DYNC1LI2: variants seen among roughly 807,000 people sequenced by gnomAD.
DYNC1LI2 encodes dynein cytoplasmic 1 light intermediate chain 2.
A neutral mutation model predicts 57.8 loss-of-function variants in DYNC1LI2; 19 were observed. The observed-to-expected ratio is 0.33, with a 90% confidence interval of 0.23 to 0.48. The LOEUF is 0.48. Among genes scored for constraint, DYNC1LI2 ranks in the 20% least tolerant of loss-of-function variants. The pLI, the probability that DYNC1LI2 is intolerant of heterozygous loss-of-function variation, is 0.99. For missense variants in DYNC1LI2, 470 were observed against 604.2 expected, an observed-to-expected ratio of 0.78 and a Z score of 2.33; for synonymous variants, 256 against 233.4, an observed-to-expected ratio of 1.10 and a Z score of -0.88.
chr16:66,749,055 G>T, intron 3 of DYNC1LI2, 142 bp downstream of exon 3: 1 of 791,970 alleles, frequency 1.3e-6, no homozygotes, highest in Non-Finnish European at 2.1e-6. Flanking sequence ...CAAAAGATAC[G>T]TACTTCATCT....
intron 4 of DYNC1LI2, among the ~76,000 whole-genome samples, chr16:66,740,176 TC>T (rs2017811254): frequency 6.6e-6 from 1 of 152,126 alleles, no homozygotes; most frequent in Non-Finnish European, 1.5e-5. Flanking sequence ...ACTCAGATGA[TC>T]CCTGCAGCCA....
At position 66,736,257 on chromosome 16, in the gene DYNC1LI2, G is replaced by C; in HGVS notation, c.530-13C>G. On this transcript the variant is annotated splice_polypyrimidine_tract_variant and intron_variant, in intron 4 of 12. Transcript: ENST00000258198. Reference sequence around the variant, plus strand: ...AAATCTTTCACAACTGGGGGAAAAAGAGGAAAAAAAATCACATGCACATAA... The same window carrying C: ...AAATCTTTCACAACTGGGGGAAAAACAGGAAAAAAAATCACATGCACATAA... 2 of 1,603,392 alleles carry C rather than the reference G, an allele frequency of 1.2e-6. No homozygotes were observed. The highest frequency in any genetic ancestry group is 1.7e-6 in the Non-Finnish European group (2 of 1,174,702).
chr16:66,750,754 G>A (rs929544085), intron 2 of DYNC1LI2, among the ~76,000 whole-genome samples: 6 of 152,154 alleles, frequency 3.9e-5, no homozygotes, highest in Admixed American at 3.9e-4. Flanking sequence ...AGTGAGGCCA[G>A]AGGGAGTAAG....
chr16:66,738,344 GT>G (rs1172603775), intron 4 of DYNC1LI2: 2 of 147,842 alleles, frequency 1.4e-5, no homozygotes, highest in African/African-American at 5.0e-5. Context: ...CACCTGCCGG[GT>G]TTAAGTAATT....
At position 66,725,166 on chromosome 16, in the gene DYNC1LI2, C is replaced by T. The variant is rs574265766; in HGVS notation, c.1378+662G>A. Among the ~76,000 whole-genome samples, 397 of 135,228 alleles carry T rather than the reference C, an allele frequency of 2.9e-3. 4 individuals are homozygous for T. The highest frequency in any genetic ancestry group is 0.01 in the African/African-American group (380 of 36,400). The allele number at this position is 135,228 out of a possible 152,430, so 88.7% of individuals were successfully genotyped here. On this transcript the variant is annotated intron_variant, in intron 12 of 12. Coordinates refer to ENST00000258198, the MANE Select transcript of DYNC1LI2 (RefSeq NM_006141.3). ...CTCCAGCCTGGGCGACAGAGCAAGACTCCATCTCTATCAAAAAAAAAAAAA... is the reference window on the plus strand; with the variant it reads ...CTCCAGCCTGGGCGACAGAGCAAGATTCCATCTCTATCAAAAAAAAAAAAA...
chr16:66,725,181 A>AG (rs1468873079), intron 12 of DYNC1LI2, among the ~76,000 whole-genome samples: 28 of 148,424 alleles, frequency 1.9e-4, no homozygotes, highest in Non-Finnish European at 3.4e-4. Flanking sequence ...TCTCTATCAA[A>AG]AAAAAAAAAA....
At chr16:66,744,594 G>A (rs2017901763) in intron 3 of DYNC1LI2, among the ~76,000 whole-genome samples, 1 of 152,076 alleles carries the variant, frequency 6.6e-6, no homozygotes, top group South Asian at 2.1e-4. Flanking sequence ...GAGTGTAGTG[G>A]CACGATATTG....
chr16:66,742,468 G>A lies in DYNC1LI2; in HGVS notation c.499C>T (p.Pro167Ser). The A allele has an allele frequency of 1.2e-6, 2 of 1,613,298 alleles. No individual in the cohort carries two copies. The highest frequency in any genetic ancestry group is 1.7e-6 in the Non-Finnish European group (2 of 1,179,706). The change falls in exon 4 of 13, where the codon CCA becomes TCA. Residue 167 changes from proline (P) to serine (S), a missense_variant. Pro to Ser is a moderately conservative substitution (Grantham distance 74). Transcript: ENST00000258198. The stretch of plus-strand genomic sequence containing the variant: ...CGTTCCAGCTCCCTCATTTTTTCTG[G>A]TGGAATTTTCATTTTATCAATGTGC... The part of the protein sequence containing the change: ...REHIDKMKIP[P>S]EKMRELERKF...
At position 66,721,044 on chromosome 16, in the gene DYNC1LI2, C is replaced by T. The variant is rs1398292103; in HGVS notation, c.*2678G>A. On this transcript the variant is annotated 3_prime_UTR_variant, in exon 13 of 13. Transcript: ENST00000258198. Reference sequence around the variant, plus strand: ...AGGCTGGTGGGGGATAATCTGCAGTCTTACTTTTAAGTTAGAAACACCAAT... The same window carrying T: ...AGGCTGGTGGGGGATAATCTGCAGTTTTACTTTTAAGTTAGAAACACCAAT... 1 of 152,628 alleles carries T rather than the reference C, an allele frequency of 6.6e-6. No homozygotes were observed. The highest frequency in any genetic ancestry group is 1.5e-5 in the Non-Finnish European group (1 of 68,056). 9.5% of individuals were successfully genotyped at this position (152,628 alleles called of 1,614,324 possible).
intron 10 of DYNC1LI2, 32 bp from the exon 11 acceptor site, chr16:66,727,837 G>A: frequency 6.4e-7 from 1 of 1,558,514 alleles, no homozygotes; most frequent in Non-Finnish European, 8.7e-7. Context: ...GTCACACACA[G>A]GCATAACAAT....
intron 7 of DYNC1LI2, 56 bp downstream of exon 7, chr16:66,732,283 A>G (rs1197468457): frequency 4.4e-6 from 7 of 1,586,866 alleles, no homozygotes; most frequent in African/African-American, 1.4e-5. Context: ...TAAAATGTAA[A>G]AAGCAAATGT....
intron 2 of DYNC1LI2, among the ~76,000 whole-genome samples, chr16:66,750,799 G>C (rs1597001366): frequency 6.6e-6 from 1 of 152,126 alleles, no homozygotes; most frequent in East Asian, 1.9e-4. Flanking sequence ...GTGAGGGCTA[G>C]CATAATGGAG....
At chr16:66,728,523 C>T (rs1022176500) in intron 9 of DYNC1LI2, among the ~76,000 whole-genome samples, 1 of 152,182 alleles carries the variant, frequency 6.6e-6, no homozygotes, top group Non-Finnish European at 1.5e-5. Flanking sequence ...ACCATCAAAA[C>T]TTCCTGCTGA....
intron 3 of DYNC1LI2, among the ~76,000 whole-genome samples, chr16:66,747,411 T>C: frequency 6.6e-6 from 1 of 152,042 alleles, no homozygotes; most frequent in Non-Finnish European, 1.5e-5. Flanking sequence ...TTGGAGATGG[T>C]AGAATTACGG....
At chr16:66,728,690 C>T (rs2017579317) in intron 9 of DYNC1LI2, among the ~76,000 whole-genome samples, 1 of 152,198 alleles carries the variant, frequency 6.6e-6, no homozygotes, top group Non-Finnish European at 1.5e-5. Flanking sequence ...ATGTACAGGG[C>T]TGTGTGAGGC....
In DYNC1LI2 at chr16:66,747,522, C is replaced by T. The variant is rs150322678; in HGVS notation, c.298+1675G>A. Reference sequence around the variant, plus strand: ...CCTCATTATATAATCGCCCATACATCGTAATCTTTACTGTTTAAATGAGTA... The same window carrying T: ...CCTCATTATATAATCGCCCATACATTGTAATCTTTACTGTTTAAATGAGTA... On this transcript the variant is annotated intron_variant, in intron 3 of 12. Coordinates refer to ENST00000258198, the MANE Select transcript of DYNC1LI2 (RefSeq NM_006141.3). 6.5e-3 allele frequency among the ~76,000 whole-genome samples: 980 copies of T among 151,580 alleles called. 7 individuals are homozygous for T. The highest frequency in any genetic ancestry group is 9.0e-3 in the Non-Finnish European group (612 of 67,962).
Position 66,751,339 on chromosome 16 carries a change from T to C in DYNC1LI2, c.115A>G (p.Ile39Val). The part of the protein sequence containing the change: ...EEEGQSLWSS[I>V]LSEVSTRARS... The stretch of plus-strand genomic sequence containing the variant: ...GCGCGGGTGGACACTTCGCTCAGAA[T>C]GGAGGACCTGTGGCGACAATGGCAA... Residue 39 changes from isoleucine (I) to valine (V), a missense_variant, in exon 2 of 13, where the codon ATT becomes GTT. By Grantham distance (29) the Ile-to-Val change is conservative. Coordinates refer to ENST00000258198, the MANE Select transcript of DYNC1LI2 (RefSeq NM_006141.3). This position sits in a 1 kb window ranked among gnomAD's most constrained non-coding sequence, Gnocchi z 5.2. The C allele has an allele frequency of 1.9e-6, 3 of 1,611,700 alleles. No homozygotes were observed. The highest frequency in any genetic ancestry group is 2.5e-6 in the Non-Finnish European group (3 of 1,178,912).
intron 9 of DYNC1LI2, 63 bp from the exon 10 acceptor site, chr16:66,728,305 G>C (rs2017572556): frequency 1.9e-6 from 3 of 1,594,298 alleles, no homozygotes; most frequent in Non-Finnish European, 2.6e-6. Context: ...AAGGTCTAGA[G>C]AAAAACTTAC....
intron 3 of DYNC1LI2, 32 bp downstream of exon 3, chr16:66,749,165 C>A: frequency 6.2e-7 from 1 of 1,607,398 alleles, no homozygotes; most frequent in Admixed American, 1.7e-5. Context: ...CCTGCATACA[C>A]CCCCTTACCA....
Sources: gnomAD v4.1 joint callset for allele counts (sites outside exome capture counted in the v4.1 genomes callset) on GRCh38, gnomAD v4.1.1 for gene constraint, Gnocchi (gnomAD v3.1) non-coding constraint, MANE v1.5 for transcripts, NCBI Gene and HGNC (gene_info 2026-07-23, HGNC 2026-07-21) for gene names.